The following COP1 variants were observed in gnomAD, a reference collection of about 807,000 sequenced individuals.
The protein encoded by COP1 is COP1 E3 ubiquitin ligase.
Under a neutral mutation model 101.3 loss-of-function variants are expected in COP1, and 24 were observed. That is an observed-to-expected ratio of 0.24 (90% confidence interval 0.17 to 0.33). The LOEUF is 0.33. COP1 is among the 10% of genes least tolerant of loss of function. The pLI is 1.00. For missense variants in COP1, 663 were observed against 906.2 expected (o/e 0.73, Z 3.45); for synonymous variants, 347 against 341.9 (o/e 1.01, Z -0.17).
chr1:176,029,411 T>C (rs189077021), intron 14 of COP1, among the ~76,000 whole-genome samples: 21 of 152,286 alleles, frequency 1.4e-4, no homozygotes, highest in African/African-American at 5.1e-4. Context: ...TTTACAAAGG[T>C]ACCAGAGCAA....
intron 18 of COP1, among the ~76,000 whole-genome samples, chr1:175,963,340 T>C (rs1651615071): frequency 6.6e-6 from 1 of 152,162 alleles, no homozygotes; most frequent in South Asian, 2.1e-4. Flanking sequence ...ACCATCCTAC[T>C]TAGACACTTT....
intron 3 of COP1, among the ~76,000 whole-genome samples, chr1:176,166,929 G>A (rs1409829020): frequency 3.3e-5 from 5 of 151,920 alleles, no homozygotes; most frequent in African/African-American, 7.3e-5. Context: ...AGAGAGAGAC[G>A]CTGTCTCAAA....
chr1:176,149,029 C>T lies in COP1; in HGVS notation c.808G>A (p.Val270Ile). Residue 270 changes from valine (V) to isoleucine (I), a missense_variant, in exon 6 of 20, where the codon GTT (valine) becomes ATT (isoleucine). This residue lies in a region of COP1 where 212 missense variants were observed against 240.7 expected (regional missense o/e 0.88). Transcript: ENST00000367669. ...ACCTCTCTCTTATTTCTTCTTGCAA[C>T]CTTGAGGAATTCCATAAGAATCTGT... is the stretch of plus-strand genomic sequence containing the variant. The part of the protein sequence containing the change: ...QLQILMEFLK[V>I]ARRNKREQLE... The T allele has an allele frequency of 6.3e-7, 1 of 1,585,394 alleles. No individual in the cohort carries two copies. The highest frequency in any genetic ancestry group is 1.3e-5 in the African/African-American group (1 of 74,302).
chr1:176,108,215 T>C (rs1466484228), intron 9 of COP1, among the ~76,000 whole-genome samples: 4 of 152,212 alleles, frequency 2.6e-5, no homozygotes, highest in Non-Finnish European at 4.4e-5. Context: ...AGTTCAGAAA[T>C]ATAACTCTAT....
At chr1:176,131,011 T>C (rs1268268593) in intron 8 of COP1, among the ~76,000 whole-genome samples, 1 of 151,858 alleles carries the variant, frequency 6.6e-6, no homozygotes, top group Non-Finnish European at 1.5e-5. Flanking sequence ...TTGGGGTCTT[T>C]GGGGATAGTT....
intron 11 of COP1, among the ~76,000 whole-genome samples, chr1:176,071,754 T>C (rs1023438346): frequency 6.6e-6 from 1 of 152,198 alleles, no homozygotes; most frequent in African/African-American, 2.4e-5. Flanking sequence ...TAGACGTAAG[T>C]TCTACTTTTA....
At chr1:175,969,679 T>G (rs973046387) in intron 18 of COP1, among the ~76,000 whole-genome samples, 1 of 152,200 alleles carries the variant, frequency 6.6e-6, no homozygotes, top group Admixed American at 6.5e-5. Flanking sequence ...AAAACTTCTA[T>G]GTCATGTAAA....
intron 14 of COP1, among the ~76,000 whole-genome samples, chr1:176,028,696 C>CATATATATATATAT (rs369887649): frequency 0.047 from 2,256 of 47,624 alleles, 230 homozygotes; most frequent in South Asian, 0.062. Context: ...ATATTTGTTT[C>CATATATATATATAT]ATATATATAT....
At position 176,043,178 on chromosome 1, in the gene COP1, A is replaced by C. The variant is rs759764191; in HGVS notation, c.1612+8T>G. ...AAGGAGGTGCTGAGAAAGAGATTCAAACAGTACCTTTTGCATCATCAGAAC... is the reference window on the plus strand; with the variant it reads ...AAGGAGGTGCTGAGAAAGAGATTCACACAGTACCTTTTGCATCATCAGAAC... On this transcript the variant is annotated splice_region_variant and intron_variant, in intron 14 of 19. Transcript: ENST00000367669. The C allele has an allele frequency of 5.0e-6, 8 of 1,588,158 alleles. No individual in the cohort carries two copies. The South Asian group carries it at 8.8e-5, about 18-fold the overall frequency.
chr1:175,989,653 A>G lies in COP1; in HGVS notation c.1730-174T>C, dbSNP rs1176714579. Among the ~76,000 whole-genome samples, 12 of 152,190 alleles carry G rather than the reference A, an allele frequency of 7.9e-5. 1 individual carries two copies. Among genetic ancestry groups the G allele is most frequent in the Admixed American group, 7.9e-4 (12 of 15,270 alleles). On this transcript the variant is annotated intron_variant, in intron 15 of 19. Coordinates refer to ENST00000367669, the MANE Select transcript of COP1 (RefSeq NM_022457.7). ...CAAATATAAGATTGGCTCTAGAAAGAGAGTATTAAGGGGTCAAAATAACTG... is the reference window on the plus strand; with the variant it reads ...CAAATATAAGATTGGCTCTAGAAAGGGAGTATTAAGGGGTCAAAATAACTG...
chr1:176,200,711 C>T lies in COP1; in HGVS notation c.407+5861G>A, dbSNP rs150008932. ...TTTAAGTATAAAGAAAAACATGTTACTCTCAGTGAATATATTGTTTGAGAA... is the reference window on the plus strand; with the variant it reads ...TTTAAGTATAAAGAAAAACATGTTATTCTCAGTGAATATATTGTTTGAGAA... On this transcript the variant is annotated intron_variant, in intron 1 of 19. Transcript: ENST00000367669. 8.3e-4 allele frequency among the ~76,000 whole-genome samples: 126 copies of T among 151,608 alleles called. 1 individual carries two copies. Among genetic ancestry groups the T allele is most frequent in the East Asian group, 4.4e-3 (23 of 5,190 alleles).
At chr1:176,065,979 G>A (rs1340836482) in intron 11 of COP1, among the ~76,000 whole-genome samples, 2 of 151,954 alleles carry the variant, frequency 1.3e-5, no homozygotes, top group Admixed American at 1.3e-4. Flanking sequence ...ACCTGCCTCG[G>A]CCTCCCAAAG....
intron 2 of COP1, among the ~76,000 whole-genome samples, chr1:176,180,308 A>C (rs1191821110): frequency 6.6e-6 from 1 of 152,188 alleles, no homozygotes; most frequent in Non-Finnish European, 1.5e-5. Flanking sequence ...GGATCATATA[A>C]AACAAACTAC....
At chr1:175,959,702 G>T (rs1651097773) in intron 18 of COP1, among the ~76,000 whole-genome samples, 1 of 152,064 alleles carries the variant, frequency 6.6e-6, no homozygotes, top group South Asian at 2.1e-4. Flanking sequence ...TGGTTAACTT[G>T]AATAGATAAT....
chr1:175,978,976 G>A (rs545563329), intron 18 of COP1, among the ~76,000 whole-genome samples: 1 of 152,220 alleles, frequency 6.6e-6, no homozygotes, highest in African/African-American at 2.4e-5. Context: ...AGGTAGGTGA[G>A]GGATCAGCAA....
chr1:176,188,834 T>TACACACACACACACAC (rs10637320), intron 1 of COP1, among the ~76,000 whole-genome samples: 41 of 148,412 alleles, frequency 2.8e-4, no homozygotes, highest in African/African-American at 9.2e-4. Flanking sequence ...AACACATAGA[T>TACACACACACACACAC]ACACACACAC....
intron 8 of COP1, among the ~76,000 whole-genome samples, chr1:176,118,777 C>A (rs1228590724): frequency 1.3e-5 from 2 of 151,824 alleles, no homozygotes; most frequent in Non-Finnish European, 2.9e-5. Flanking sequence ...AACAAAAAAA[C>A]AAAAACAAAA....
At chr1:175,971,773 G>A (rs1470935002) in intron 18 of COP1, among the ~76,000 whole-genome samples, 1 of 152,184 alleles carries the variant, frequency 6.6e-6, no homozygotes, top group Non-Finnish European at 1.5e-5. Flanking sequence ...TTAATAATGA[G>A]CACTACCAGA....
rs201383226 is a variant in COP1 at position 176,133,762 on chromosome 1, CAG to C, written c.968+1246_968+1247del. 2.0e-4 allele frequency: 81 copies of C among 409,968 alleles called. 2 individuals are homozygous for C. The East Asian group carries it at 5.1e-3, about 26-fold the overall frequency. The allele number at this position is 409,968 out of a possible 1,614,324, so 25.4% of individuals were successfully genotyped here. ...ACAAAAAAAATTTGCTACTGTTAAA[CAG>C]AGAGGAAAAAGACAATGGGAATGAA... On this transcript the variant is annotated intron_variant, in intron 8 of 19. Transcript: ENST00000367669.
Sources: allele counts gnomAD v4.1 joint callset (sites outside exome capture counted in the v4.1 genomes callset), GRCh38; gene constraint gnomAD v4.1.1; regional missense constraint gnomAD v4.1.1; transcripts MANE v1.5; gene names NCBI Gene and HGNC (gene_info 2026-07-23, HGNC 2026-07-21).